CACNB4: variants seen among roughly 807,000 people sequenced by gnomAD.
The protein encoded by CACNB4 is calcium voltage-gated channel auxiliary subunit beta 4.
In CACNB4, 32 loss-of-function variants were observed where a neutral mutation model predicts 71.2. The ratio of observed to expected loss-of-function variants is 0.45; its 90% confidence interval spans 0.34 to 0.60. The LOEUF (loss-of-function observed/expected upper bound fraction) is 0.60, where lower values mean the gene tolerates loss of function less well. Among genes scored for constraint, CACNB4 ranks in the 20% least tolerant of loss-of-function variants. The pLI, the probability that CACNB4 is intolerant of heterozygous loss-of-function variation, is 0.01. For synonymous variants in CACNB4, 231 were observed against 236.9 expected, an observed-to-expected ratio of 0.97 and a Z score of 0.23; for missense variants, 464 against 647.9, an observed-to-expected ratio of 0.72 and a Z score of 3.08.
intron 2 of CACNB4, among the ~76,000 whole-genome samples, chr2:152,031,445 C>T (rs749015051): frequency 5.3e-5 from 8 of 152,210 alleles, no homozygotes; most frequent in Non-Finnish European, 1.2e-4. Context: ...AGAGAGCACA[C>T]GCAGGTGAGC....
chr2:152,074,318 G>T (rs115929160), intron 2 of CACNB4, among the ~76,000 whole-genome samples: 1 of 149,994 alleles, frequency 6.7e-6, no homozygotes, highest in East Asian at 2.0e-4. Flanking sequence ...CACCATCGCC[G>T]CCACCAGCAC....
At chr2:151,954,992 T>C (rs2099867864) in intron 2 of CACNB4, among the ~76,000 whole-genome samples, 1 of 151,558 alleles carries the variant, frequency 6.6e-6, no homozygotes, top group South Asian at 2.1e-4. Context: ...TAGCTGGGAC[T>C]ACAGGCACCC....
At chr2:152,028,409 T>C (rs1684093606) in intron 2 of CACNB4, among the ~76,000 whole-genome samples, 1 of 152,200 alleles carries the variant, frequency 6.6e-6, no homozygotes, top group Admixed American at 6.5e-5. Flanking sequence ...CGACACCCAC[T>C]GATACCTTCG....
intron 2 of CACNB4, among the ~76,000 whole-genome samples, chr2:152,076,427 G>A (rs1431798465): frequency 6.6e-6 from 1 of 151,374 alleles, no homozygotes; most frequent in African/African-American, 2.4e-5. Flanking sequence ...CTCCCAAAGT[G>A]CTGGGATTAT....
chr2:151,905,937 C>T (rs772452055), intron 2 of CACNB4, among the ~76,000 whole-genome samples: 4 of 152,186 alleles, frequency 2.6e-5, no homozygotes, highest in Non-Finnish European at 5.9e-5. Flanking sequence ...AGCCAGATTA[C>T]CTTTAAGTAA....
chr2:151,947,964 G>A (rs1162329463), intron 2 of CACNB4, among the ~76,000 whole-genome samples: 1 of 152,192 alleles, frequency 6.6e-6, no homozygotes, highest in East Asian at 1.9e-4. Context: ...GGGCATTCTG[G>A]TGCTCCACTG....
intron 2 of CACNB4, among the ~76,000 whole-genome samples, chr2:151,952,009 G>A (rs1281188159): frequency 6.6e-6 from 1 of 152,114 alleles, no homozygotes; most frequent in African/African-American, 2.4e-5. Flanking sequence ...TACCTTCTCT[G>A]TGCCTCAGTT....
Position 152,098,290 on chromosome 2 carries a change from G to T in CACNB4, c.147+40C>A. 1.3e-6 allele frequency: 2 copies of T among 1,534,354 alleles called. No homozygotes were observed. The highest frequency in any genetic ancestry group is 1.8e-6 in the Non-Finnish European group (2 of 1,108,386). On this transcript the variant is annotated intron_variant, in intron 2 of 13. Transcript: ENST00000539935. The surrounding 1 kb of genome is among the most constrained non-coding windows in gnomAD (Gnocchi z 5.3). ...TCCAGGACCCCCGCGCCGCGCGCTC[G>T]GCCTCCTCCCCATCCTGGTCTCCCG...
chr2:151,870,687 C>T (rs868344853), intron 7 of CACNB4, 76 bp from the exon 8 acceptor site: 4 of 1,336,116 alleles, frequency 3.0e-6, no homozygotes, highest in South Asian at 1.2e-5. Flanking sequence ...TTCATAATTT[C>T]ATAATTCTCA....
intron 2 of CACNB4, among the ~76,000 whole-genome samples, chr2:152,070,917 A>T (rs1045694922): frequency 1.3e-5 from 2 of 152,064 alleles, no homozygotes; most frequent in Non-Finnish European, 2.9e-5. Flanking sequence ...ACAGGCACAC[A>T]CCATCACACC....
At chr2:152,048,394 A>C (rs1685245190) in intron 2 of CACNB4, 1 of 152,332 alleles carries the variant, frequency 6.6e-6, no homozygotes, top group Admixed American at 6.5e-5. Flanking sequence ...CATGTGTTAC[A>C]TCCAGAAGGG....
intron 11 of CACNB4, 151 bp downstream of exon 11, chr2:151,855,073 T>C: frequency 2.1e-6 from 1 of 465,240 alleles, no homozygotes; most frequent in South Asian, 7.2e-5. Flanking sequence ...ATCTGAAAAT[T>C]CATAGAATCT....
chr2:152,094,232 A>T (rs1475536234), intron 2 of CACNB4, among the ~76,000 whole-genome samples: 5 of 152,218 alleles, frequency 3.3e-5, no homozygotes, highest in African/African-American at 1.2e-4. Flanking sequence ...AAACCCCCAG[A>T]TCTCAGGGAA....
In CACNB4 at chr2:151,838,604, T is replaced by C. The variant is rs923565962; in HGVS notation, c.*515A>G. On this transcript the variant is annotated 3_prime_UTR_variant, in exon 14 of 14. Transcript: ENST00000539935. Reference sequence around the variant, plus strand: ...TCCAACTTTAAGTGTAAATTTAGCTTCCAGCAAATAAATACCAAAGCTGGA... The same window carrying C: ...TCCAACTTTAAGTGTAAATTTAGCTCCCAGCAAATAAATACCAAAGCTGGA... 2 of 152,518 alleles carry C rather than the reference T, an allele frequency of 1.3e-5. No homozygotes were observed. Among genetic ancestry groups the C allele is most frequent in the African/African-American group, 4.8e-5 (2 of 41,400 alleles). 9.4% of individuals were successfully genotyped at this position (152,518 alleles called of 1,614,324 possible). A position where few individuals can be genotyped will look rare whatever the true frequency, so the allele number is the denominator to read the frequency against.
chr2:152,024,991 G>A (rs962672831), intron 2 of CACNB4, among the ~76,000 whole-genome samples: 2 of 152,156 alleles, frequency 1.3e-5, no homozygotes, highest in Non-Finnish European at 2.9e-5. Context: ...GGGAGGCAGG[G>A]GTTGCAGTGA....
At chr2:152,033,667 GA>G (rs538773191) in intron 2 of CACNB4, among the ~76,000 whole-genome samples, 303 of 152,048 alleles carry the variant, frequency 2.0e-3, no homozygotes, top group African/African-American at 6.5e-3. Context: ...CAAACTTGGG[GA>G]AAAAAAATTT....
chr2:151,933,009 A>C (rs2099862013), intron 2 of CACNB4, among the ~76,000 whole-genome samples: 1 of 151,764 alleles, frequency 6.6e-6, no homozygotes, highest in East Asian at 2.0e-4. Context: ...TTTAGAAGGA[A>C]CATGGCCCTG....
At chr2:151,998,115 G>C (rs1682170558) in intron 2 of CACNB4, among the ~76,000 whole-genome samples, 1 of 152,096 alleles carries the variant, frequency 6.6e-6, no homozygotes, top group Non-Finnish European at 1.5e-5. Flanking sequence ...CTGAGGTCAG[G>C]AGTTCAAGAC....
rs150641217 is a variant in CACNB4 at position 152,048,339 on chromosome 2, A to G, written c.147+49991T>C. Among the ~76,000 whole-genome samples, 634 of 152,272 alleles carry G rather than the reference A, an allele frequency of 4.2e-3. 8 individuals are homozygous for G. The highest frequency in any genetic ancestry group is 0.015 in the African/African-American group (611 of 41,562). ...CTGCCCACTACCATCAGAAACTTCT[A>G]TCTGAATGCTCTTCACCCATCCCCA... is the stretch of plus-strand genomic sequence containing the variant. On this transcript the variant is annotated intron_variant, in intron 2 of 13. Coordinates refer to ENST00000539935, the MANE Select transcript of CACNB4 (RefSeq NM_000726.5).
Sources: gnomAD v4.1 joint callset for allele counts (sites outside exome capture counted in the v4.1 genomes callset) on GRCh38, gnomAD v4.1.1 for gene constraint, Gnocchi (gnomAD v3.1) non-coding constraint, MANE v1.5 for transcripts, NCBI Gene and HGNC (gene_info 2026-07-23, HGNC 2026-07-21) for gene names.